The following ERC2 variants were observed in gnomAD, a reference collection of about 807,000 sequenced individuals.
ERC2 encodes ERC protein 2.
Under a neutral mutation model 114.8 loss-of-function variants are expected in ERC2, and 42 were observed. The ratio of observed to expected loss-of-function variants is 0.37; its 90% CI spans 0.29 to 0.47. The LOEUF (loss-of-function observed/expected upper bound fraction) is 0.47, where lower values mean the gene tolerates loss of function less well. Among genes scored for constraint, ERC2 ranks in the 20% least tolerant of loss-of-function variants. ERC2 has a pLI of 0.99. For missense variants in ERC2, 939 were observed against 1,150.7 expected, an observed-to-expected ratio of 0.82 and a Z score of 2.66; for synonymous variants, 454 against 425.5, an observed-to-expected ratio of 1.07 and a Z score of -0.82.
chr3:56,355,216 G>A (rs982245775), intron 2 of ERC2, among the ~76,000 whole-genome samples: 1 of 152,074 alleles, frequency 6.6e-6, no homozygotes, highest in African/African-American at 2.4e-5. Flanking sequence ...TAGCACAAGT[G>A]GGAGTTATGT....
intron 7 of ERC2, among the ~76,000 whole-genome samples, chr3:56,039,656 C>A (rs2075014391): frequency 6.6e-6 from 1 of 152,058 alleles, no homozygotes; most frequent in African/African-American, 2.4e-5. Flanking sequence ...TCCTAAAACT[C>A]ATATGAAACC....
intron 3 of ERC2, among the ~76,000 whole-genome samples, chr3:56,276,733 G>A (rs1248452706): frequency 6.6e-6 from 1 of 152,184 alleles, no homozygotes; most frequent in African/African-American, 2.4e-5. Context: ...TGCTAGTGCA[G>A]GGGTGTCCAA....
chr3:56,076,489 A>G (rs554150419), intron 7 of ERC2, among the ~76,000 whole-genome samples: 1 of 152,182 alleles, frequency 6.6e-6, no homozygotes, highest in Non-Finnish European at 1.5e-5. Flanking sequence ...TACAGTTTAA[A>G]TTCAGGTATG....
chr3:56,352,471 G>A (rs933984914), intron 2 of ERC2, among the ~76,000 whole-genome samples: 14 of 152,274 alleles, frequency 9.2e-5, no homozygotes, highest in Admixed American at 2.0e-4. Flanking sequence ...ACAAGATTGC[G>A]GGGAGGTGGC....
chr3:56,448,901 C>T (rs2062704205), intron 1 of ERC2, among the ~76,000 whole-genome samples: 1 of 151,940 alleles, frequency 6.6e-6, no homozygotes, highest in East Asian at 1.9e-4. Context: ...CGGTGAAACC[C>T]CATCTCTACA....
chr3:56,160,211 T>A (rs2081974526), intron 4 of ERC2, among the ~76,000 whole-genome samples: 1 of 152,150 alleles, frequency 6.6e-6, no homozygotes, highest in Non-Finnish European at 1.5e-5. Flanking sequence ...TAAGATGGCT[T>A]CTCACTGTGG....
intron 2 of ERC2, among the ~76,000 whole-genome samples, chr3:56,347,143 A>G (rs559338873): frequency 3.3e-5 from 5 of 152,324 alleles, no homozygotes; most frequent in African/African-American, 1.2e-4. Flanking sequence ...TGGAGACCAC[A>G]AGAACCAAAC....
Position 56,039,729 on chromosome 3 carries a change from A to G in ERC2, c.1642-20698T>C, listed in dbSNP as rs1410471186. 3.3e-5 allele frequency among the ~76,000 whole-genome samples: 5 copies of G among 152,332 alleles called. No homozygotes were observed. In the East Asian group the frequency reaches 9.6e-4, roughly 29 times the overall value. Reference sequence around the variant, plus strand: ...AAAATGAATCTGGAAGCATCATGCTACTTGATTTCAAAATATACTACAAAG... The same window carrying G: ...AAAATGAATCTGGAAGCATCATGCTGCTTGATTTCAAAATATACTACAAAG... On this transcript the variant is annotated intron_variant, in intron 7 of 17. Transcript: ENST00000288221.
At chr3:56,178,530 G>A (rs1253602651) in intron 3 of ERC2, among the ~76,000 whole-genome samples, 1 of 152,154 alleles carries the variant, frequency 6.6e-6, no homozygotes, top group Non-Finnish European at 1.5e-5. Context: ...AGGAAGGAGT[G>A]CCAAAGAATT....
intron 13 of ERC2, among the ~76,000 whole-genome samples, chr3:55,946,419 C>T (rs1428313507): frequency 6.6e-6 from 1 of 152,010 alleles, no homozygotes. Flanking sequence ...TGTTCTATAT[C>T]TGTATTACTC....
At chr3:56,343,404 G>A (rs2058180530) in intron 2 of ERC2, among the ~76,000 whole-genome samples, 1 of 151,882 alleles carries the variant, frequency 6.6e-6, no homozygotes, top group Admixed American at 6.6e-5. Flanking sequence ...AATGGGTTAT[G>A]CCTGTAATCT....
intron 8 of ERC2, among the ~76,000 whole-genome samples, chr3:56,012,374 C>T (rs1196676300): frequency 6.6e-6 from 1 of 152,108 alleles, no homozygotes; most frequent in Non-Finnish European, 1.5e-5. Context: ...GATCACGTGG[C>T]ACTTATTCCC....
intron 17 of ERC2, among the ~76,000 whole-genome samples, chr3:55,650,427 G>A (rs2060569289): frequency 2.0e-5 from 3 of 152,158 alleles, no homozygotes; most frequent in Non-Finnish European, 4.4e-5. Context: ...TCTCATCCGA[G>A]GGTCACCTTC....
At chr3:56,245,700 T>C (rs2051645749) in intron 3 of ERC2, among the ~76,000 whole-genome samples, 2 of 152,060 alleles carry the variant, frequency 1.3e-5, no homozygotes, top group African/African-American at 4.8e-5. Context: ...CATGCCACCA[T>C]GCCAGGCTAA....
intron 6 of ERC2, among the ~76,000 whole-genome samples, chr3:56,126,975 G>T (rs2079913258): frequency 6.6e-6 from 1 of 152,020 alleles, no homozygotes; most frequent in African/African-American, 2.4e-5. Flanking sequence ...ATTCAGTAAG[G>T]ATGCAGGGTT....
At chr3:55,929,441 AT>A (rs2065942587) in intron 13 of ERC2, among the ~76,000 whole-genome samples, 1 of 151,776 alleles carries the variant, frequency 6.6e-6, no homozygotes, top group Non-Finnish European at 1.5e-5. Context: ...AGTTTTGTAT[AT>A]TTTTTTCTCT....
At chr3:56,293,913 A>C (rs2055257748) in intron 3 of ERC2, among the ~76,000 whole-genome samples, 1 of 152,202 alleles carries the variant, frequency 6.6e-6, no homozygotes, top group African/African-American at 2.4e-5. Context: ...ATCTAATTGC[A>C]GAAGAAGAAT....
At chr3:56,341,706 A>C (rs535078163) in intron 2 of ERC2, among the ~76,000 whole-genome samples, 2 of 152,298 alleles carry the variant, frequency 1.3e-5, no homozygotes, top group Admixed American at 6.5e-5. Flanking sequence ...CCTGTTAGCA[A>C]TTCCTGAGTC....
At chr3:56,205,268 G>C (rs1363392568) in intron 3 of ERC2, among the ~76,000 whole-genome samples, 1 of 152,118 alleles carries the variant, frequency 6.6e-6, no homozygotes, top group African/African-American at 2.4e-5. Context: ...GCAGGACCCT[G>C]TGTTCCATAA....
Sources: allele counts gnomAD v4.1 joint callset (sites outside exome capture counted in the v4.1 genomes callset), GRCh38; gene constraint gnomAD v4.1.1; transcripts MANE v1.5; gene names NCBI Gene and HGNC (gene_info 2026-07-23, HGNC 2026-07-21).